Variants in FSHR observed in about 807,000 individuals in gnomAD.
FSHR encodes follicle-stimulating hormone receptor.
A neutral mutation model predicts 52.1 loss-of-function variants in FSHR; 46 were observed. The ratio of observed to expected loss-of-function variants is 0.88; its 90% CI spans 0.70 to 1.13. The LOEUF is 1.13. Ranked by LOEUF, FSHR falls within the 50% of genes most tolerant of loss-of-function variation. FSHR has a pLI of 0.00. For missense variants in FSHR, 964 were observed against 834.6 expected (o/e 1.16, Z -1.91); for synonymous variants, 399 against 309.6 (o/e 1.29, Z -3.03).
In FSHR at chr2:49,045,547, A is replaced by G. The variant is rs75932659; in HGVS notation, c.224+22672T>C. ...TAGAATGTTAATTTCAAGGGAAGGC[A>G]GACAGAGGTAGGCAAAAACAAGAAA... On this transcript the variant is annotated intron_variant, in intron 2 of 9. Transcript: ENST00000406846. Among the ~76,000 whole-genome samples the G allele has an allele frequency of 1.1e-3, 164 of 152,200 alleles. 2 individuals are homozygous for G. In the East Asian group the frequency reaches 0.026, roughly 24 times the overall value.
At chr2:49,104,952 G>A (rs896518293) in intron 1 of FSHR, among the ~76,000 whole-genome samples, 1 of 152,094 alleles carries the variant, frequency 6.6e-6, no homozygotes. Flanking sequence ...AGAAGGGCTT[G>A]GCAATGGAGA....
At chr2:49,132,968 T>TAAAAAAAAAAAAAA (rs34913428) in intron 1 of FSHR, among the ~76,000 whole-genome samples, 4 of 48,652 alleles carry the variant, frequency 8.2e-5, no homozygotes, top group African/African-American at 3.4e-4. Context: ...TAAAACTCAG[T>TAAAAAAAAAAAAAA]AAAAAAAAAA....
chr2:48,982,100 C>T (rs561622998), intron 8 of FSHR, among the ~76,000 whole-genome samples: 2 of 152,114 alleles, frequency 1.3e-5, no homozygotes, highest in Non-Finnish European at 2.9e-5. Context: ...TTTTAAAAAG[C>T]CTTTTTGTGA....
At chr2:48,998,559 A>C (rs1167204714) in intron 4 of FSHR, among the ~76,000 whole-genome samples, 37 of 152,066 alleles carry the variant, frequency 2.4e-4, no homozygotes, top group Admixed American at 2.4e-3. Flanking sequence ...GTCAGCCAGA[A>C]CATTTGACTG....
intron 1 of FSHR, among the ~76,000 whole-genome samples, chr2:49,110,024 A>G (rs962843561): frequency 4.6e-5 from 7 of 152,146 alleles, no homozygotes; most frequent in Non-Finnish European, 1.0e-4. Flanking sequence ...GAGGAGGCCA[A>G]GAAGAGTGCA....
chr2:49,124,970 C>T (rs1671948502), intron 1 of FSHR, among the ~76,000 whole-genome samples: 1 of 152,196 alleles, frequency 6.6e-6, no homozygotes, highest in Non-Finnish European at 1.5e-5. Flanking sequence ...CCATTCCTGT[C>T]ACCTGTCACT....
At chr2:49,067,226 C>G (rs369893936) in intron 2 of FSHR, among the ~76,000 whole-genome samples, 2 of 152,098 alleles carry the variant, frequency 1.3e-5, no homozygotes, top group East Asian at 3.8e-4. Context: ...AGGATTCTGA[C>G]CACCCTCTTT....
At chr2:49,038,739 C>G (rs759442495) in intron 2 of FSHR, among the ~76,000 whole-genome samples, 4 of 150,604 alleles carry the variant, frequency 2.7e-5, no homozygotes, top group Non-Finnish European at 5.9e-5. Flanking sequence ...TAGAAAATTG[C>G]GAGAGGAAGA....
At chr2:49,005,413 T>C (rs561088523) in intron 4 of FSHR, among the ~76,000 whole-genome samples, 10 of 152,246 alleles carry the variant, frequency 6.6e-5, no homozygotes, top group South Asian at 4.1e-4. Flanking sequence ...TAAATCTCGA[T>C]TGTGCCCAAA....
intron 1 of FSHR, among the ~76,000 whole-genome samples, chr2:49,139,039 C>A (rs1047744967): frequency 2.0e-5 from 3 of 152,112 alleles, no homozygotes; most frequent in Non-Finnish European, 2.9e-5. Context: ...CATTTAACTA[C>A]CCACATGATC....
At chr2:49,052,429 G>A (rs921419750) in intron 2 of FSHR, among the ~76,000 whole-genome samples, 7 of 152,132 alleles carry the variant, frequency 4.6e-5, no homozygotes, top group African/African-American at 1.4e-4. Flanking sequence ...TACCTCAGTG[G>A]CTTTCAATTT....
chr2:48,973,083 T>G (rs1186325424), intron 8 of FSHR, among the ~76,000 whole-genome samples: 3 of 152,222 alleles, frequency 2.0e-5, no homozygotes, highest in Non-Finnish European at 4.4e-5. Context: ...CTATTCATTA[T>G]AGATCTAGCC....
intron 1 of FSHR, among the ~76,000 whole-genome samples, chr2:49,138,066 C>G (rs1672549185): frequency 6.6e-6 from 1 of 152,010 alleles, no homozygotes; most frequent in African/African-American, 2.4e-5. Context: ...GGATTTATAT[C>G]TAATAGAAAT....
chr2:49,003,183 C>T (rs1010577184), intron 4 of FSHR, among the ~76,000 whole-genome samples: 1 of 152,158 alleles, frequency 6.6e-6, no homozygotes, highest in African/African-American at 2.4e-5. Context: ...TTTTTCACTT[C>T]AGTGTTCACA....
At chr2:48,992,479 G>T (rs1675829138) in intron 4 of FSHR, among the ~76,000 whole-genome samples, 1 of 152,166 alleles carries the variant, frequency 6.6e-6, no homozygotes, top group Non-Finnish European at 1.5e-5. Flanking sequence ...GCCACTGCCA[G>T]GGAAGTGGGG....
At chr2:48,976,999 G>A (rs1573032784) in intron 8 of FSHR, among the ~76,000 whole-genome samples, 2 of 151,954 alleles carry the variant, frequency 1.3e-5, no homozygotes, top group East Asian at 3.9e-4. Flanking sequence ...TATACCTAAT[G>A]TAGATGATGG....
chr2:49,087,070 G>GATTTTTTTTTTTTTT (rs60949511), intron 1 of FSHR, among the ~76,000 whole-genome samples: 4 of 86,728 alleles, frequency 4.6e-5, no homozygotes, highest in African/African-American at 1.3e-4. Context: ...TGTGGGCAGG[G>GATTTTTTTTTTTTTT]TTTTTTTTTT....
At chr2:49,123,052 C>T (rs1671873281) in intron 1 of FSHR, among the ~76,000 whole-genome samples, 1 of 152,034 alleles carries the variant, frequency 6.6e-6, no homozygotes, top group South Asian at 2.1e-4. Flanking sequence ...CTTTCCTCCA[C>T]ATTTTGGTTT....
At chr2:48,992,608 G>A (rs370314028) in intron 4 of FSHR, among the ~76,000 whole-genome samples, 1 of 152,018 alleles carries the variant, frequency 6.6e-6, no homozygotes, top group African/African-American at 2.4e-5. Flanking sequence ...TCATGAAGGT[G>A]TTTTTTTCTG....
Sources: gnomAD v4.1 joint callset for allele counts (sites outside exome capture counted in the v4.1 genomes callset) on GRCh38, gnomAD v4.1.1 for gene constraint, MANE v1.5 for transcripts, NCBI Gene and HGNC (gene_info 2026-07-23, HGNC 2026-07-21) for gene names.